NCOA6: variants seen among roughly 807,000 people sequenced by gnomAD.
NCOA6 encodes NRC RAP250.
NCOA6 carries 49 observed loss-of-function variants against 171.4 expected under a neutral mutation model. The observed-to-expected ratio is 0.29, with a 90% CI of 0.23 to 0.36. NCOA6 has a LOEUF of 0.36. Among genes scored for constraint, NCOA6 ranks in the 10% least tolerant of loss-of-function variants. NCOA6 has a pLI of 1.00. For synonymous variants in NCOA6, 910 were observed against 927.5 expected, an observed-to-expected ratio of 0.98 and a Z score of 0.34; for missense variants, 2,248 against 2,554.5, an observed-to-expected ratio of 0.88 and a Z score of 2.59.
At chr20:34,782,514 A>C (rs957969418) in intron 2 of NCOA6, 110 bp from the exon 3 acceptor site, 1 of 294,264 alleles carries the variant, frequency 3.4e-6, no homozygotes, top group African/African-American at 2.2e-5. Context: ...AAATACTATA[A>C]AAATTAAGAA....
At position 34,768,597 on chromosome 20, in the gene NCOA6, G is replaced by C. The variant is rs1300437287; in HGVS notation, c.392-11C>G. The C allele has an allele frequency of 6.2e-7, 1 of 1,612,212 alleles. No individual in the cohort carries two copies. The highest frequency in any genetic ancestry group is 8.5e-7 in the Non-Finnish European group (1 of 1,179,514). On this transcript the variant is annotated splice_polypyrimidine_tract_variant and intron_variant, in intron 4 of 14. Coordinates refer to ENST00000359003, the MANE Select transcript of NCOA6 (RefSeq NM_014071.5). ...TAATAGCACCTTCCCCTGAAAATGA[G>C]TCAAGTGATAAAAAGGAAATCATTA...
In NCOA6 at chr20:34,786,679, T is replaced by A. The variant is rs548837080; in HGVS notation, c.-49-4275A>T. ...TATGAGTGAACTTCTTAATCTTGAG[T>A]TCTAATTTGATTGTGCTATGATCTG... On this transcript the variant is annotated intron_variant, in intron 2 of 14. Coordinates refer to ENST00000359003, the MANE Select transcript of NCOA6 (RefSeq NM_014071.5). Among the ~76,000 whole-genome samples, 558 of 152,246 alleles carry A rather than the reference T, an allele frequency of 3.7e-3. 6 individuals are homozygous for A. The highest frequency in any genetic ancestry group is 0.011 in the African/African-American group (438 of 41,544).
intron 3 of NCOA6, among the ~76,000 whole-genome samples, chr20:34,779,716 GA>G (rs2077458668): frequency 6.6e-6 from 1 of 152,096 alleles, no homozygotes; most frequent in South Asian, 2.1e-4. Context: ...TTCTCAAAAT[GA>G]GAAATATCTA....
chr20:34,737,445 G>T (rs1283693908), intron 11 of NCOA6, among the ~76,000 whole-genome samples: 1 of 152,192 alleles, frequency 6.6e-6, no homozygotes, highest in African/African-American at 2.4e-5. Flanking sequence ...TAGTGCACTT[G>T]AGTGCACTCT....
rs557654997 is a variant in NCOA6, at chr20:34,786,221, A to G, written c.-49-3817T>C. Among the ~76,000 whole-genome samples, 27 of 152,140 alleles carry G rather than the reference A, an allele frequency of 1.8e-4. No individual in the cohort carries two copies. The South Asian group carries it at 5.6e-3, about 31-fold the overall frequency. On this transcript the variant is annotated intron_variant, in intron 2 of 14. Transcript: ENST00000359003. ...TATCATTTCTGATTGTGCTTATTTA[A>G]TTCTTTTTTCTTCTTTATTAGACCT...
At chr20:34,715,810 A>G (rs747238123) in intron 14 of NCOA6, among the ~76,000 whole-genome samples, 15 of 152,198 alleles carry the variant, frequency 9.9e-5, no homozygotes, top group Non-Finnish European at 1.9e-4. Context: ...TTTTGGAGCC[A>G]AGCTATTGTT....
chr20:34,824,563 A>G (rs976531239), intron 1 of NCOA6, among the ~76,000 whole-genome samples: 5 of 152,112 alleles, frequency 3.3e-5, no homozygotes, highest in Admixed American at 3.3e-4. Context: ...GCCCCCAAAC[A>G]GCCAGGTCCC....
Position 34,746,736 on chromosome 20 carries a change from TG to T in NCOA6, c.2914+70del, listed in dbSNP as rs1568759945. 2.8e-6 allele frequency: 4 copies of T among 1,448,332 alleles called. No individual in the cohort carries two copies. The East Asian group carries it at 7.2e-5, about 26-fold the overall frequency. 89.7% of individuals were successfully genotyped at this position (1,448,332 alleles called of 1,614,324 possible). ...ATAAAATAAAATACTATTGTTTCCTTGAAGACATGGAAGCCTTGTAATGCCA... is the reference window on the plus strand; with the variant it reads ...ATAAAATAAAATACTATTGTTTCCTTAAGACATGGAAGCCTTGTAATGCCA... On this transcript the variant is annotated intron_variant, in intron 10 of 14. Transcript: ENST00000359003.
chr20:34,804,766 T>C (rs1475634271), intron 1 of NCOA6, among the ~76,000 whole-genome samples: 16 of 152,174 alleles, frequency 1.1e-4, no homozygotes, highest in Admixed American at 9.8e-4. Context: ...TTGATACATG[T>C]ATACAATGTG....
rs888276610 is a variant in NCOA6, at chr20:34,715,106, T to G, written c.*216A>C. The stretch of plus-strand genomic sequence containing the variant: ...AGCTCCTTTCAATACAAGACAACAT[T>G]TTAGAAACCTTGAACTTCAACTCGC... On this transcript the variant is annotated 3_prime_UTR_variant, in exon 15 of 15. Coordinates refer to ENST00000359003, the MANE Select transcript of NCOA6 (RefSeq NM_014071.5). 1 of 529,318 alleles carries G rather than the reference T, an allele frequency of 1.9e-6. No individual in the cohort carries two copies. The highest frequency in any genetic ancestry group is 1.9e-5 in the African/African-American group (1 of 51,702). The allele number at this position is 529,318 out of a possible 1,614,324, so 32.8% of individuals were successfully genotyped here.
intron 13 of NCOA6, among the ~76,000 whole-genome samples, chr20:34,728,560 T>A (rs1600749160): frequency 6.6e-6 from 1 of 152,310 alleles, no homozygotes; most frequent in African/African-American, 2.4e-5. Flanking sequence ...CAAACAGTTA[T>A]CTGGCCCCAA....
chr20:34,743,423 C>T (rs2076212288), intron 10 of NCOA6, 82 bp from the exon 11 acceptor site: 3 of 1,423,798 alleles, frequency 2.1e-6, no homozygotes, highest in Admixed American at 1.9e-5. Context: ...CCAAGCAATA[C>T]TCATCTAGGT....
In NCOA6 at chr20:34,749,634, T is replaced by C. The variant is rs952552419; in HGVS notation, c.2561A>G (p.Asn854Ser). 2.3e-5 allele frequency: 37 copies of C among 1,614,096 alleles called. No individual in the cohort carries two copies. The highest frequency in any genetic ancestry group is 2.5e-5 in the Non-Finnish European group (29 of 1,180,042). ...ATTGGGAGCTCCACTGAAAGGTGCA[T>C]TGAAAGACATCCCATGGCCTGAGAA... ...NHFSGHGMSF[N>S]APFSGAPNGN... Residue 854 changes from asparagine to serine, a missense_variant, in exon 9 of 15, where the codon AAT becomes AGT. Asn to Ser is a conservative substitution (Grantham distance 46). Around this residue, in one of 7 missense-constraint regions of NCOA6, gnomAD observed 987 missense variants for 1,104.7 expected, o/e 0.89. Coordinates refer to ENST00000359003, the MANE Select transcript of NCOA6 (RefSeq NM_014071.5).
intron 8 of NCOA6, among the ~76,000 whole-genome samples, chr20:34,751,376 CAAAAAAA>C (rs35848122): frequency 1.8e-4 from 12 of 68,294 alleles, no homozygotes; most frequent in Admixed American, 6.6e-4. Context: ...GACTCCGTCT[CAAAAAAA>C]AAAAAAAAAA....
rs535388832 is a variant in NCOA6 at position 34,750,369 on chromosome 20, A to T, written c.1826T>A (p.Met609Lys). The stretch of plus-strand genomic sequence containing the variant: ...TGGGCCCTGCTGGGGCTGGCCTTGC[A>T]TGTTGCTGAGGTTCACTTGAGGAAC... ...SGVPQVNLSN[M>K]QGQPQQGPPS... The change falls in exon 9 of 15, where the codon ATG becomes AAG. Residue 609 changes from methionine (M) to lysine (K), a missense_variant. Met to Lys is a moderately conservative substitution (Grantham distance 95). This residue lies in a region of NCOA6 where 987 missense variants were observed against 1,104.7 expected (regional missense o/e 0.89). Coordinates refer to ENST00000359003, the MANE Select transcript of NCOA6 (RefSeq NM_014071.5). 18 of 1,614,044 alleles carry T rather than the reference A, an allele frequency of 1.1e-5. No homozygotes were observed. In the South Asian group the frequency reaches 1.9e-4, roughly 17 times the overall value.
In NCOA6 at chr20:34,776,453, A is replaced by G; in HGVS notation, c.236-5T>C. ...GTACTTTTAGCTTGCTGGACTCTTG[A>G]TTGTGAAAGAAAAAGAATTATATTA... On this transcript the variant is annotated splice_polypyrimidine_tract_variant and splice_region_variant and intron_variant, in intron 3 of 14. Coordinates refer to ENST00000359003, the MANE Select transcript of NCOA6 (RefSeq NM_014071.5). The G allele has an allele frequency of 6.2e-7, 1 of 1,613,068 alleles. No individual in the cohort carries two copies. Among genetic ancestry groups the G allele is most frequent in the Non-Finnish European group, 8.5e-7 (1 of 1,179,578 alleles).
In NCOA6 at chr20:34,757,335, G is replaced by A. The variant is rs771416670; in HGVS notation, c.1413C>T (p.Val471=). 1 of 1,614,200 alleles carries A rather than the reference G, an allele frequency of 6.2e-7. No individual in the cohort carries two copies. The highest frequency in any genetic ancestry group is 1.1e-5 in the South Asian group (1 of 91,084). The part of the protein sequence containing the change: ...NPLPQGFQQP[V]SSPGRNPMVQ... Reference sequence around the variant, plus strand: ...CCATAGGATTCCGACCCGGAGAGCTGACAGGCTGCTGAAATCCCTGGGGAA... The same window carrying A: ...CCATAGGATTCCGACCCGGAGAGCTAACAGGCTGCTGAAATCCCTGGGGAA... The change falls in exon 7 of 15, where the codon GTC becomes GTT. Residue 471 remains valine, a synonymous_variant. Transcript: ENST00000359003.
intron 1 of NCOA6, among the ~76,000 whole-genome samples, chr20:34,813,823 C>T (rs1162293455): frequency 6.6e-6 from 1 of 151,956 alleles, no homozygotes; most frequent in Non-Finnish European, 1.5e-5. Flanking sequence ...AACTGAAGAA[C>T]TGCTATTATA....
intron 3 of NCOA6, among the ~76,000 whole-genome samples, chr20:34,779,687 G>T (rs191711330): frequency 6.6e-5 from 10 of 152,240 alleles, no homozygotes; most frequent in African/African-American, 2.4e-4. Flanking sequence ...AAGAGATAAT[G>T]GTCATAGAGG....
Sources: gnomAD v4.1 joint callset for allele counts (sites outside exome capture counted in the v4.1 genomes callset) on GRCh38, gnomAD v4.1.1 for gene constraint, gnomAD v4.1.1 regional missense constraint, MANE v1.5 for transcripts, NCBI Gene and HGNC (gene_info 2026-07-23, HGNC 2026-07-21) for gene names.